Variants in CHRNA7 observed in about 807,000 individuals in gnomAD.
The protein encoded by CHRNA7 is neuronal acetylcholine receptor subunit alpha-7.
CHRNA7 carries 17 observed loss-of-function variants against 48.0 expected under a neutral mutation model. The observed-to-expected ratio is 0.35, with a 90% CI of 0.24 to 0.53. The LOEUF is 0.53. Among genes scored for constraint, CHRNA7 ranks in the 20% least tolerant of loss-of-function variants. CHRNA7 has a pLI of 0.92. For missense variants in CHRNA7, 155 were observed against 577.7 expected, an observed-to-expected ratio of 0.27 and a Z score of 7.50; for synonymous variants, 75 against 242.3, an observed-to-expected ratio of 0.31 and a Z score of 6.41.
chr15:32,074,666 A>ATTATTATTATTTTTTTTT (rs991862925), intron 2 of CHRNA7, among the ~76,000 whole-genome samples: 1 of 107,298 alleles, frequency 9.3e-6, no homozygotes, highest in African/African-American at 3.2e-5. Flanking sequence ...TATTATTATT[A>ATTATTATTATTTTTTTTT]TTTTTGAGAC....
At chr15:32,107,561 A>G (rs1270700169) in intron 3 of CHRNA7, among the ~76,000 whole-genome samples, 1 of 152,120 alleles carries the variant, frequency 6.6e-6, no homozygotes, top group East Asian at 1.9e-4. Flanking sequence ...ATTCAGCAAC[A>G]TGAAACTCGG....
chr15:32,150,255 G>C (rs960581852), intron 4 of CHRNA7, among the ~76,000 whole-genome samples: 2 of 152,064 alleles, frequency 1.3e-5, no homozygotes, highest in African/African-American at 4.8e-5. Flanking sequence ...ATGGGGTCTT[G>C]CTTTGTTGCC....
At chr15:32,078,210 G>A (rs527839241) in intron 2 of CHRNA7, among the ~76,000 whole-genome samples, 1 of 152,222 alleles carries the variant, frequency 6.6e-6, no homozygotes, top group South Asian at 2.1e-4. Context: ...TTGCAGAGGA[G>A]AAGTTTTTAA....
intron 2 of CHRNA7, chr15:32,098,594 G>A (rs1462001063): frequency 6.6e-6 from 1 of 152,490 alleles, no homozygotes; most frequent in Non-Finnish European, 1.5e-5. Flanking sequence ...CAGAGCTGGT[G>A]GTGGGAACCG....
intron 4 of CHRNA7, among the ~76,000 whole-genome samples, chr15:32,131,427 G>A (rs1441947851): frequency 6.6e-6 from 1 of 151,840 alleles, no homozygotes; most frequent in Non-Finnish European, 1.5e-5. Context: ...CTGTCTTCAA[G>A]TCAGATTCTT....
intron 2 of CHRNA7, among the ~76,000 whole-genome samples, chr15:32,085,014 G>A (rs930237229): frequency 2.6e-5 from 4 of 152,010 alleles, no homozygotes; most frequent in African/African-American, 9.7e-5. Flanking sequence ...TGTATTTTTA[G>A]TAGAGCTAGG....
At chr15:32,139,127 C>CT (rs1272101624) in intron 4 of CHRNA7, among the ~76,000 whole-genome samples, 12 of 152,306 alleles carry the variant, frequency 7.9e-5, no homozygotes, top group Admixed American at 4.6e-4. Context: ...AGTCTGTAAT[C>CT]TTTTCAGATT....
chr15:32,052,219 A>T (rs1239160711), intron 2 of CHRNA7, among the ~76,000 whole-genome samples: 12 of 147,778 alleles, frequency 8.1e-5, no homozygotes, highest in Non-Finnish European at 1.3e-4. Flanking sequence ...TTTTTTCCCC[A>T]AGCTCTTCTA....
intron 2 of CHRNA7, among the ~76,000 whole-genome samples, chr15:32,065,834 C>T (rs1595405234): frequency 1.3e-5 from 2 of 151,894 alleles, no homozygotes; most frequent in East Asian, 3.9e-4. Flanking sequence ...CAGACATAGC[C>T]CACTGCAAAC....
rs139083659 is a variant in CHRNA7, at chr15:32,069,370, G to A, written c.196-31933G>A. 1.9e-3 allele frequency among the ~76,000 whole-genome samples: 283 copies of A among 152,346 alleles called. 1 individual carries two copies. The highest frequency in any genetic ancestry group is 6.3e-3 in the African/African-American group (262 of 41,574). On this transcript the variant is annotated intron_variant, in intron 2 of 9. Coordinates refer to ENST00000306901, the MANE Select transcript of CHRNA7 (RefSeq NM_000746.6). ...CAATAGTCAAAGCCACTGAGGCTGG[G>A]CCTGATGGCCGAAACCTGTAGTCCC...
intron 2 of CHRNA7, 98 bp from the exon 3 acceptor site, chr15:32,101,205 A>C: frequency 1.5e-6 from 2 of 1,301,838 alleles, no homozygotes; most frequent in Non-Finnish European, 2.2e-6. Context: ...CACACACAAC[A>C]ACGCTCTCGA....
intron 4 of CHRNA7, among the ~76,000 whole-genome samples, chr15:32,132,750 C>T (rs1008858674): frequency 6.6e-6 from 1 of 152,148 alleles, no homozygotes; most frequent in African/African-American, 2.4e-5. Context: ...TAGGGCTCTA[C>T]CCCTGTGACC....
chr15:32,137,026 C>T (rs1343343643), intron 4 of CHRNA7, among the ~76,000 whole-genome samples: 29 of 76,736 alleles, frequency 3.8e-4, no homozygotes, highest in East Asian at 2.2e-3. Context: ...AGCGAGACTC[C>T]GTCTCAAAAA....
At chr15:32,077,872 C>T (rs531558234) in intron 2 of CHRNA7, among the ~76,000 whole-genome samples, 58 of 152,204 alleles carry the variant, frequency 3.8e-4, no homozygotes, top group Non-Finnish European at 6.0e-4. Flanking sequence ...CTAGCACTCA[C>T]TGCTCTTATG....
intron 2 of CHRNA7, among the ~76,000 whole-genome samples, chr15:32,043,784 C>T (rs561754342): frequency 4.6e-5 from 7 of 151,954 alleles, no homozygotes; most frequent in South Asian, 2.1e-4. Flanking sequence ...ACTTTAATTC[C>T]TCCCTGTATC....
intron 4 of CHRNA7, among the ~76,000 whole-genome samples, chr15:32,144,903 T>C (rs900208418): frequency 5.3e-5 from 8 of 152,230 alleles, no homozygotes; most frequent in Non-Finnish European, 7.3e-5. Flanking sequence ...GCCGACCTTC[T>C]GAAACCTACT....
At chr15:32,060,458 G>A (rs1049933633) in intron 2 of CHRNA7, among the ~76,000 whole-genome samples, 9 of 152,154 alleles carry the variant, frequency 5.9e-5, no homozygotes, top group Admixed American at 5.2e-4. Flanking sequence ...AATAACCACT[G>A]TAAGAATAGA....
intron 3 of CHRNA7, chr15:32,101,982 A>G (rs2050580578): frequency 6.6e-6 from 1 of 152,244 alleles, no homozygotes; most frequent in Non-Finnish European, 1.5e-5. Flanking sequence ...TCTCATTCAA[A>G]CACCATATGA....
At chr15:32,072,413 A>AAAAGCAT (rs575319105) in intron 2 of CHRNA7, among the ~76,000 whole-genome samples, 257 of 152,366 alleles carry the variant, frequency 1.7e-3, no homozygotes, top group African/African-American at 5.9e-3. Flanking sequence ...GTGTGAAAGA[A>AAAAGCAT]AAAGCATTTT....
Sources: allele counts gnomAD v4.1 joint callset (sites outside exome capture counted in the v4.1 genomes callset), GRCh38; gene constraint gnomAD v4.1.1; transcripts MANE v1.5; gene names NCBI Gene and HGNC (gene_info 2026-07-23, HGNC 2026-07-21).